The following TMEM135 variants were observed in gnomAD, a reference collection of about 807,000 sequenced individuals.
The protein encoded by TMEM135 is transmembrane protein 135.
TMEM135 carries 30 observed loss-of-function variants against 60.3 expected under a neutral mutation model. That is an observed-to-expected ratio of 0.50 (90% CI 0.37 to 0.68). TMEM135 has a LOEUF of 0.68. TMEM135 is among the 30% of genes least tolerant of loss of function. The pLI is 0.00. For synonymous variants in TMEM135, 190 were observed against 186.7 expected, an observed-to-expected ratio of 1.02 and a Z score of -0.14; for missense variants, 468 against 548.8, an observed-to-expected ratio of 0.85 and a Z score of 1.47.
At chr11:87,109,356 G>A (rs1359233892) in intron 4 of TMEM135, among the ~76,000 whole-genome samples, 1 of 152,128 alleles carries the variant, frequency 6.6e-6, no homozygotes, top group African/African-American at 2.4e-5. Flanking sequence ...ATTTGGCACA[G>A]TAAAAGATTA....
intron 2 of TMEM135, among the ~76,000 whole-genome samples, chr11:87,069,026 G>A (rs1856721893): frequency 1.3e-5 from 2 of 150,236 alleles, no homozygotes; most frequent in Non-Finnish European, 3.0e-5. Flanking sequence ...TATGACGGCC[G>A]GGCGCGGTGG....
chr11:87,239,770 A>G (rs2135377444), intron 6 of TMEM135, among the ~76,000 whole-genome samples: 1 of 151,918 alleles, frequency 6.6e-6, no homozygotes, highest in East Asian at 1.9e-4. Context: ...TTTTCAAAGA[A>G]AGAACTTGAG....
intron 1 of TMEM135, among the ~76,000 whole-genome samples, chr11:87,061,252 C>A (rs771306261): frequency 5.3e-5 from 8 of 152,112 alleles, no homozygotes; most frequent in Non-Finnish European, 1.2e-4. Flanking sequence ...ATAAGGGGCA[C>A]AATCTTACCT....
chr11:87,205,283 G>A (rs1940209918), intron 5 of TMEM135, among the ~76,000 whole-genome samples: 1 of 152,100 alleles, frequency 6.6e-6, no homozygotes, highest in Non-Finnish European at 1.5e-5. Flanking sequence ...GATTAGATAG[G>A]GATATGATTA....
At chr11:87,202,145 C>T (rs1045867368) in intron 5 of TMEM135, among the ~76,000 whole-genome samples, 1 of 152,122 alleles carries the variant, frequency 6.6e-6, no homozygotes, top group African/African-American at 2.4e-5. Flanking sequence ...CCTGCCTCAG[C>T]CCCCCAAGTA....
At chr11:87,267,638 A>G (rs984137726) in intron 6 of TMEM135, among the ~76,000 whole-genome samples, 1 of 152,228 alleles carries the variant, frequency 6.6e-6, no homozygotes, top group Non-Finnish European at 1.5e-5. Context: ...ATGAAAGTAT[A>G]GAATTATATA....
rs10501635 is a variant in TMEM135 at position 87,326,296 on chromosome 11, A to C, written c.*4963A>C. The C allele has an allele frequency of 0.14, 62,710 of 453,912 alleles. 4,648 individuals are homozygous for C. The highest frequency in any genetic ancestry group is 0.18 in the African/African-American group (9,007 of 50,026). The allele number at this position is 453,912 out of a possible 1,614,324, so 28.1% of individuals were successfully genotyped here. On this transcript the variant is annotated 3_prime_UTR_variant, in exon 15 of 15. Transcript: ENST00000305494. The stretch of plus-strand genomic sequence containing the variant: ...TCTGTCTTGAGAGATTCAGGCTTCC[A>C]TAAAGTAGACCTGTAGACCTATGTT...
intron 4 of TMEM135, among the ~76,000 whole-genome samples, chr11:87,144,587 C>G (rs1016461369): frequency 7.2e-5 from 11 of 152,024 alleles, no homozygotes; most frequent in African/African-American, 2.7e-4. Context: ...AGGGATTACT[C>G]CAAGTGTCAA....
chr11:87,038,542 G>A (rs1405232981), intron 1 of TMEM135, among the ~76,000 whole-genome samples: 1 of 150,288 alleles, frequency 6.7e-6, no homozygotes, highest in African/African-American at 2.5e-5. Context: ...AGAGGTATTT[G>A]TAGGTCAGCG....
chr11:87,060,547 A>G (rs903799653), intron 1 of TMEM135, among the ~76,000 whole-genome samples: 1 of 152,126 alleles, frequency 6.6e-6, no homozygotes, highest in Non-Finnish European at 1.5e-5. Flanking sequence ...TTCAACATCA[A>G]TTGGTAGTTA....
intron 6 of TMEM135, among the ~76,000 whole-genome samples, chr11:87,252,798 A>ATGTGTGTGTG (rs558272693): frequency 0.062 from 8,366 of 133,998 alleles, 311 homozygotes; most frequent in South Asian, 0.079. Context: ...TAAAATATAT[A>ATGTGTGTGTG]TGTGTGTGTG....
At chr11:87,152,629 G>A (rs1002797356) in intron 4 of TMEM135, among the ~76,000 whole-genome samples, 8 of 151,994 alleles carry the variant, frequency 5.3e-5, no homozygotes, top group African/African-American at 1.9e-4. Flanking sequence ...TAGTAGAGAC[G>A]GGTTTCGCCA....
chr11:87,038,609 C>T (rs200636351), intron 1 of TMEM135, among the ~76,000 whole-genome samples: 3 of 113,926 alleles, frequency 2.6e-5, no homozygotes, highest in Non-Finnish European at 1.8e-5. Flanking sequence ...TTTTATTTTG[C>T]TTTTTTTTTT....
intron 6 of TMEM135, among the ~76,000 whole-genome samples, chr11:87,288,705 G>T (rs1279423115): frequency 6.6e-6 from 1 of 152,082 alleles, no homozygotes; most frequent in Non-Finnish European, 1.5e-5. Flanking sequence ...CTAAAGTTAA[G>T]TGATTTACTC....
intron 3 of TMEM135, 111 bp downstream of exon 3, chr11:87,071,726 A>AT: frequency 4.6e-6 from 3 of 658,732 alleles, no homozygotes; most frequent in Admixed American, 3.3e-5. Flanking sequence ...TTCTAGATAT[A>AT]TTTTTTCGGT....
chr11:87,173,606 T>G (rs981418727), intron 5 of TMEM135, among the ~76,000 whole-genome samples: 1 of 152,194 alleles, frequency 6.6e-6, no homozygotes, highest in African/African-American at 2.4e-5. Context: ...GCCACATGTC[T>G]GCCACAAAAT....
intron 5 of TMEM135, among the ~76,000 whole-genome samples, chr11:87,218,158 A>G (rs1410759843): frequency 6.6e-6 from 1 of 152,112 alleles, no homozygotes; most frequent in Non-Finnish European, 1.5e-5. Context: ...ATAATACAAG[A>G]CAGCCCTTCT....
chr11:87,240,587 A>G (rs575269121), intron 6 of TMEM135, among the ~76,000 whole-genome samples: 12 of 152,268 alleles, frequency 7.9e-5, no homozygotes, highest in African/African-American at 2.9e-4. Context: ...GAAGCAAAAG[A>G]AAGAATCAAC....
At chr11:87,066,120 G>A (rs754789023) in intron 1 of TMEM135, among the ~76,000 whole-genome samples, 26 of 152,084 alleles carry the variant, frequency 1.7e-4, no homozygotes, top group African/African-American at 5.3e-4. Context: ...ACTGACTTTC[G>A]GAAAAGTATT....
Sources: allele counts gnomAD v4.1 joint callset (sites outside exome capture counted in the v4.1 genomes callset), GRCh38; gene constraint gnomAD v4.1.1; transcripts MANE v1.5; gene names NCBI Gene and HGNC (gene_info 2026-07-23, HGNC 2026-07-21).